Variants in CNTN4 observed in about 807,000 individuals in gnomAD.
CNTN4 encodes the protein contactin 4.
In CNTN4, 77 loss-of-function variants were observed where a neutral mutation model predicts 122.5. The ratio of observed to expected loss-of-function variants is 0.63; its 90% CI spans 0.52 to 0.76. The LOEUF is 0.76. Among genes scored for constraint, CNTN4 ranks in the 30% least tolerant of loss-of-function variants. The pLI is 0.00. For synonymous variants in CNTN4, 512 were observed against 447.0 expected, an observed-to-expected ratio of 1.15 and a Z score of -1.83; for missense variants, 1,256 against 1,259.1, an observed-to-expected ratio of 1.00 and a Z score of 0.04.
intron 3 of CNTN4, among the ~76,000 whole-genome samples, chr3:2,472,196 A>G (rs1559583924): frequency 1.3e-5 from 2 of 150,940 alleles, no homozygotes; most frequent in Admixed American, 6.6e-5. Flanking sequence ...TCCACCTGAT[A>G]AATCAAAGAC....
At position 2,718,237 on chromosome 3, in the gene CNTN4, G is replaced by GT. The variant is rs58501984; in HGVS notation, c.56-17968dup. Among the ~76,000 whole-genome samples the GT allele has an allele frequency of 4.7e-3, 484 of 102,528 alleles. 4 individuals carry two copies. Among genetic ancestry groups the GT allele is most frequent in the African/African-American group, 0.017 (431 of 25,336 alleles). The allele number at this position is 102,528 out of a possible 152,430, so 67.3% of individuals were successfully genotyped here. A position where few individuals can be genotyped will look rare whatever the true frequency, so the allele number is the denominator to read the frequency against. On this transcript the variant is annotated intron_variant, in intron 4 of 24. Coordinates refer to ENST00000418658, the MANE Select transcript of CNTN4 (RefSeq NM_175607.3). ...ATCACCATATGCATACATTTTCTTG[G>GT]TTTTTTTTTTAACCCTTTAACGTTT...
intron 3 of CNTN4, among the ~76,000 whole-genome samples, chr3:2,504,202 G>A (rs2076673508): frequency 6.6e-6 from 1 of 152,126 alleles, no homozygotes; most frequent in Admixed American, 6.5e-5. Flanking sequence ...TAGATATGAA[G>A]AGGGATGTCT....
At chr3:2,974,603 GT>G (rs1693245489) in intron 13 of CNTN4, among the ~76,000 whole-genome samples, 1 of 152,184 alleles carries the variant, frequency 6.6e-6, no homozygotes, top group South Asian at 2.1e-4. Context: ...GTACATCAAT[GT>G]GGCCGAAATG....
intron 6 of CNTN4, among the ~76,000 whole-genome samples, chr3:2,806,447 C>G (rs1308961448): frequency 6.6e-6 from 1 of 152,156 alleles, no homozygotes; most frequent in African/African-American, 2.4e-5. Context: ...ATGGTAAGGT[C>G]TTCCTAACTG....
intron 3 of CNTN4, among the ~76,000 whole-genome samples, chr3:2,567,468 G>A (rs2149468337): frequency 6.6e-6 from 1 of 152,200 alleles, no homozygotes; most frequent in Non-Finnish European, 1.5e-5. Flanking sequence ...TTCCCCCTCA[G>A]CCTATAACTC....
At chr3:2,453,827 A>T (rs1460495548) in intron 3 of CNTN4, among the ~76,000 whole-genome samples, 1 of 152,188 alleles carries the variant, frequency 6.6e-6, no homozygotes, top group East Asian at 1.9e-4. Context: ...AACAGAGTGA[A>T]TTATAGTTTG....
chr3:2,866,192 C>G (rs117835977), intron 7 of CNTN4, among the ~76,000 whole-genome samples: 1 of 152,258 alleles, frequency 6.6e-6, no homozygotes, highest in East Asian at 1.9e-4. Flanking sequence ...CTGTTTCTAA[C>G]TAGAGCTAAG....
At chr3:2,540,453 C>T (rs1032866233) in intron 3 of CNTN4, among the ~76,000 whole-genome samples, 1 of 151,994 alleles carries the variant, frequency 6.6e-6, no homozygotes, top group African/African-American at 2.4e-5. Context: ...GGTTGAAGAG[C>T]ACACAGGAGA....
At chr3:2,612,115 C>T (rs1432753315) in intron 4 of CNTN4, among the ~76,000 whole-genome samples, 1 of 39,684 alleles carries the variant, frequency 2.5e-5, no homozygotes, top group Non-Finnish European at 7.4e-5. Context: ...AATACACACA[C>T]ACACACACAC....
intron 14 of CNTN4, among the ~76,000 whole-genome samples, chr3:3,004,661 G>T (rs1380776538): frequency 6.6e-6 from 1 of 152,200 alleles, no homozygotes; most frequent in Non-Finnish European, 1.5e-5. Context: ...TAGTTGGGAA[G>T]ACTAAATTAG....
chr3:2,107,112 A>C (rs761787386), intron 2 of CNTN4, among the ~76,000 whole-genome samples: 2 of 152,210 alleles, frequency 1.3e-5, no homozygotes, highest in Non-Finnish European at 2.9e-5. Flanking sequence ...CCAAGTCTCT[A>C]GTAAGTTCCA....
intron 3 of CNTN4, among the ~76,000 whole-genome samples, chr3:2,523,048 T>G (rs921564560): frequency 2.6e-5 from 4 of 152,094 alleles, no homozygotes; most frequent in African/African-American, 9.7e-5. Context: ...TTGTAGATAG[T>G]TATTTAAAGA....
intron 8 of CNTN4, among the ~76,000 whole-genome samples, chr3:2,879,262 G>T (rs148820944): frequency 6.6e-6 from 1 of 152,280 alleles, no homozygotes; most frequent in East Asian, 1.9e-4. Context: ...ATAAGCCAAT[G>T]AATGCCAAGG....
At chr3:2,484,063 A>G (rs1272041374) in intron 3 of CNTN4, among the ~76,000 whole-genome samples, 1 of 152,214 alleles carries the variant, frequency 6.6e-6, no homozygotes, top group East Asian at 1.9e-4. Flanking sequence ...CATACCTGAT[A>G]AAGGACTGTT....
intron 7 of CNTN4, among the ~76,000 whole-genome samples, chr3:2,859,279 T>C (rs1026391767): frequency 6.6e-6 from 1 of 152,250 alleles, no homozygotes; most frequent in Non-Finnish European, 1.5e-5. Flanking sequence ...TGTGTATATA[T>C]ATCACATTTT....
At chr3:2,323,897 T>C (rs2043356663) in intron 2 of CNTN4, among the ~76,000 whole-genome samples, 1 of 152,214 alleles carries the variant, frequency 6.6e-6, no homozygotes, top group African/African-American at 2.4e-5. Context: ...TACCGTGCAT[T>C]GGCAATCCAG....
intron 3 of CNTN4, among the ~76,000 whole-genome samples, chr3:2,550,542 C>T (rs907385596): frequency 5.3e-5 from 8 of 152,186 alleles, no homozygotes; most frequent in Non-Finnish European, 7.4e-5. Context: ...GACAGTGTGG[C>T]GATTCCTCAA....
chr3:2,605,645 C>G (rs893576155), intron 4 of CNTN4, among the ~76,000 whole-genome samples: 2 of 151,974 alleles, frequency 1.3e-5, no homozygotes, highest in Non-Finnish European at 2.9e-5. Context: ...GGAGACATGC[C>G]AGATTCTGGA....
At chr3:2,738,246 C>G (rs2089258498) in intron 5 of CNTN4, among the ~76,000 whole-genome samples, 1 of 151,990 alleles carries the variant, frequency 6.6e-6, no homozygotes, top group South Asian at 2.1e-4. Flanking sequence ...ATAAAAGTAA[C>G]CAAACTTGTA....
Sources: allele counts gnomAD v4.1 joint callset (sites outside exome capture counted in the v4.1 genomes callset), GRCh38; gene constraint gnomAD v4.1.1; transcripts MANE v1.5; gene names NCBI Gene and HGNC (gene_info 2026-07-23, HGNC 2026-07-21).